The following LRRC49 variants were observed in gnomAD, a reference collection of about 807,000 sequenced individuals.
LRRC49 encodes leucine-rich repeat-containing protein 49.
LRRC49 carries 50 observed loss-of-function variants against 83.3 expected under a neutral mutation model. The observed-to-expected ratio is 0.60, with a 90% CI of 0.48 to 0.76. The LOEUF (loss-of-function observed/expected upper bound fraction) is 0.76, where lower values mean the gene tolerates loss of function less well. LRRC49 is among the 30% of genes least tolerant of loss of function. The probability of loss-of-function intolerance (pLI) is 0.00; values close to 1 mark genes in which losing one functional copy is unlikely to be tolerated. For synonymous variants in LRRC49, 286 were observed against 283.3 expected (o/e 1.01, Z -0.10); for missense variants, 704 against 809.1 (o/e 0.87, Z 1.58).
upstream of LRRC49, chr15:70,892,209 G>A: frequency 6.2e-7 from 1 of 1,602,218 alleles, no homozygotes; most frequent in East Asian, 2.3e-5. Context: ...TTGGGAAAGC[G>A]GAACAGCGAC....
intron 2 of LRRC49, among the ~76,000 whole-genome samples, chr15:70,879,411 T>C (rs1305835142): frequency 3.3e-5 from 5 of 152,266 alleles, no homozygotes; most frequent in African/African-American, 1.2e-4. Flanking sequence ...GACTAGTCAT[T>C]TTAAATTATA....
At chr15:71,041,651 A>G (rs1419601758) in intron 15 of LRRC49, among the ~76,000 whole-genome samples, 2 of 152,206 alleles carry the variant, frequency 1.3e-5, no homozygotes, top group Admixed American at 6.5e-5. Flanking sequence ...TGTTTTAGAT[A>G]AGAAGAATTT....
At chr15:70,940,045 T>G (rs2035753036) in intron 8 of LRRC49, among the ~76,000 whole-genome samples, 1 of 152,074 alleles carries the variant, frequency 6.6e-6, no homozygotes, top group Admixed American at 6.5e-5. Flanking sequence ...GAAAATGGTT[T>G]ATAATTTTAC....
chr15:71,033,196 C>G (rs1192898343), intron 14 of LRRC49, among the ~76,000 whole-genome samples: 1 of 152,176 alleles, frequency 6.6e-6, no homozygotes, highest in Non-Finnish European at 1.5e-5. Context: ...GCAAAAATTG[C>G]AAGCATTCCT....
At chr15:70,968,695 T>TA (rs1469911271) in intron 9 of LRRC49, among the ~76,000 whole-genome samples, 1 of 152,186 alleles carries the variant, frequency 6.6e-6, no homozygotes, top group Non-Finnish European at 1.5e-5. Context: ...TGATTTGCGT[T>TA]TCTCTAATGT....
intron 11 of LRRC49, among the ~76,000 whole-genome samples, chr15:71,008,064 G>A (rs928062646): frequency 2.0e-4 from 31 of 151,606 alleles, no homozygotes; most frequent in African/African-American, 7.5e-4. Flanking sequence ...GTGTTGACAT[G>A]GAAAGATAAC....
At chr15:70,892,488 G>A (rs925061419), upstream of LRRC49, 7 of 1,527,934 alleles carry the variant, frequency 4.6e-6, no homozygotes, top group Admixed American at 7.9e-5. Context: ...TCCCTGCGCT[G>A]CTCCCCAGGA....
intron 2 of LRRC49, among the ~76,000 whole-genome samples, chr15:70,873,897 A>G (rs1361464150): frequency 1.3e-5 from 2 of 152,202 alleles, no homozygotes; most frequent in Non-Finnish European, 2.9e-5. Flanking sequence ...ATTTTTGGCT[A>G]TTTTTACAAT....
intron 4 of LRRC49, 80 bp from the exon 5 acceptor site, chr15:70,904,472 A>G: frequency 1.0e-6 from 1 of 959,478 alleles, no homozygotes. Context: ...ATGGGAGCAC[A>G]AAGATACTAC....
exon 2 of LRRC49, chr15:70,873,105 G>T: frequency 1.1e-6 from 1 of 938,860 alleles, no homozygotes; most frequent in Admixed American, 2.0e-5. Context: ...GGCTGGTCTT[G>T]AATTCCTGAC....
chr15:70,915,424 C>T (rs985804443), intron 6 of LRRC49, among the ~76,000 whole-genome samples: 1 of 152,142 alleles, frequency 6.6e-6, no homozygotes, highest in Admixed American at 6.5e-5. Context: ...GCAGATCATA[C>T]AATTGTCCCC....
chr15:70,894,989 TTA>T (rs1256360240), intron 2 of LRRC49, among the ~76,000 whole-genome samples: 2 of 152,342 alleles, frequency 1.3e-5, no homozygotes, highest in East Asian at 3.9e-4. Context: ...TTTTCCACCA[TTA>T]TAATGTTTCT....
At chr15:71,022,556 A>G (rs1485678337) in intron 14 of LRRC49, among the ~76,000 whole-genome samples, 1 of 152,210 alleles carries the variant, frequency 6.6e-6, no homozygotes, top group Non-Finnish European at 1.5e-5. Context: ...GCTATTGAGG[A>G]CTCAATAGAC....
chr15:70,986,714 G>C (rs1596103339), intron 11 of LRRC49, among the ~76,000 whole-genome samples: 1 of 152,144 alleles, frequency 6.6e-6, no homozygotes. Context: ...TCTTGTGCCA[G>C]TTTTCAAAGG....
At chr15:70,926,234 G>C (rs1166763042) in intron 7 of LRRC49, among the ~76,000 whole-genome samples, 1 of 151,990 alleles carries the variant, frequency 6.6e-6, no homozygotes, top group Non-Finnish European at 1.5e-5. Context: ...GGATATTCTT[G>C]CAGTTTTTAA....
At position 71,039,832 on chromosome 15, in the gene LRRC49, C is replaced by T. The variant is rs185197335; in HGVS notation, c.1857+2500C>T. ...CAAACCAAGGATTTCACAGTAAAAT[C>T]TACCAACTTTTTAAGAAACAGAGAA... On this transcript the variant is annotated intron_variant, in intron 15 of 15. Coordinates refer to ENST00000260382, the MANE Select transcript of LRRC49 (RefSeq NM_017691.5). 2.6e-5 allele frequency among the ~76,000 whole-genome samples: 4 copies of T among 152,260 alleles called. No homozygotes were observed. The East Asian group carries it at 7.7e-4, about 29-fold the overall frequency.
intron 15 of LRRC49, among the ~76,000 whole-genome samples, chr15:71,038,826 C>T (rs575605951): frequency 6.6e-6 from 1 of 152,264 alleles, no homozygotes; most frequent in East Asian, 1.9e-4. Context: ...CTACCTTTTT[C>T]ATCTCAGCAC....
chr15:70,994,376 A>G (rs1358840189), intron 11 of LRRC49, among the ~76,000 whole-genome samples: 1 of 152,168 alleles, frequency 6.6e-6, no homozygotes, highest in Non-Finnish European at 1.5e-5. Flanking sequence ...GTAATTTTGT[A>G]GTAAGTTTTC....
intron 5 of LRRC49, among the ~76,000 whole-genome samples, chr15:70,910,585 A>G (rs1293670753): frequency 6.6e-6 from 1 of 152,194 alleles, no homozygotes; most frequent in African/African-American, 2.4e-5. Context: ...CATCTGGCAT[A>G]TCAAAAATTT....
Sources: gnomAD v4.1 joint callset for allele counts (sites outside exome capture counted in the v4.1 genomes callset) on GRCh38, gnomAD v4.1.1 for gene constraint, MANE v1.5 for transcripts, NCBI Gene and HGNC (gene_info 2026-07-23, HGNC 2026-07-21) for gene names.